The following ATRX variants were observed in gnomAD, a reference collection of about 807,000 sequenced individuals.
The protein encoded by ATRX is ATRX chromatin remodeler.
Under a neutral mutation model 172.6 loss-of-function variants are expected in ATRX, and 12 were observed. That is an observed-to-expected ratio of 0.07 (90% CI 0.04 to 0.11). ATRX has a LOEUF of 0.11. Among genes scored for constraint, ATRX ranks in the 10% least tolerant of loss-of-function variants. ATRX has a pLI of 1.00. For synonymous variants in ATRX, 674 were observed against 594.7 expected (o/e 1.13, Z -1.94); for missense variants, 1,368 against 1,767.4 (o/e 0.77, Z 4.05).
intron 20 of ATRX, 55 bp downstream of exon 20, chrX:77,620,340 A>G: frequency 8.6e-7 from 1 of 1,168,064 alleles, no homozygotes; most frequent in Admixed American, 2.2e-5. Context: ...ACGTTACAAA[A>G]ATATATCTGA....
At chrX:77,518,844 A>T (rs2063137099) in intron 34 of ATRX, among the ~76,000 whole-genome samples, 1 of 111,797 alleles carries the variant, frequency 8.9e-6, no homozygotes, top group Non-Finnish European at 1.9e-5. Context: ...CCCAGAAACA[A>T]ATCCACACAC....
intron 30 of ATRX, among the ~76,000 whole-genome samples, chrX:77,534,218 T>C (rs1288508301): frequency 9.0e-6 from 1 of 111,713 alleles, no homozygotes; most frequent in Non-Finnish European, 1.9e-5. Context: ...CAGAGTGCTA[T>C]GTAAGACATG....
intron 27 of ATRX, among the ~76,000 whole-genome samples, chrX:77,586,251 C>A (rs1429724020): frequency 1.8e-5 from 2 of 111,579 alleles, no homozygotes; most frequent in African/African-American, 6.5e-5. Flanking sequence ...TCTCATGTAA[C>A]CCATGAATAC....
intron 10 of ATRX, among the ~76,000 whole-genome samples, chrX:77,669,249 T>C (rs1335174333): frequency 1.8e-5 from 2 of 111,621 alleles, no homozygotes; most frequent in Non-Finnish European, 3.8e-5. Flanking sequence ...GTGCCAGCAC[T>C]ATACCCTCTA....
At chrX:77,544,498 T>C (rs1478890796) in intron 30 of ATRX, among the ~76,000 whole-genome samples, 1 of 109,984 alleles carries the variant, frequency 9.1e-6, no homozygotes, top group Non-Finnish European at 1.9e-5. Context: ...ACGTGTGCCA[T>C]GCTGGTGCGC....
At chrX:77,553,543 T>C (rs1329905230) in intron 30 of ATRX, among the ~76,000 whole-genome samples, 1 of 112,021 alleles carries the variant, frequency 8.9e-6, no homozygotes, top group East Asian at 2.8e-4. Flanking sequence ...TTCCAGTCTT[T>C]ACTTTTACCT....
rs782593283 is a variant in ATRX, at chrX:77,683,842, C to T, written c.1414G>A (p.Glu472Lys). 8.3e-7 allele frequency: 1 copy of T among 1,210,106 alleles called. No homozygotes were observed. The highest frequency in any genetic ancestry group is 1.8e-5 in the South Asian group (1 of 56,961). Reference sequence around the variant, plus strand: ...GTTGGAACATTCTGATGCATGTGCTCACTATCTACCTGTTTTCTTGAAAGT... The same window carrying T: ...GTTGGAACATTCTGATGCATGTGCTTACTATCTACCTGTTTTCTTGAAAGT... ...AKLSRKQVDS[E>K]HMHQNVPTEE... Residue 472 changes from glutamate to lysine, a missense_variant, in exon 9 of 35, where the codon GAG (glutamate) becomes AAG (lysine). Around this residue, in one of 17 missense-constraint regions of ATRX, gnomAD observed 843 missense variants for 643.1 expected, o/e 1.31. Coordinates refer to ENST00000373344, the MANE Select transcript of ATRX (RefSeq NM_000489.6).
At chrX:77,678,652 A>G (rs1334361640) in intron 9 of ATRX, among the ~76,000 whole-genome samples, 1 of 110,748 alleles carries the variant, frequency 9.0e-6, no homozygotes, top group Admixed American at 9.6e-5. Flanking sequence ...ACACCTGGCT[A>G]ATTTTTTTGT....
chrX:77,702,990 G>C lies in ATRX; in HGVS notation c.134-4361C>G, dbSNP rs782712173. Among the ~76,000 whole-genome samples, 330 of 112,401 alleles carry C rather than the reference G, an allele frequency of 2.9e-3. 1 individual carries two copies. The highest frequency in any genetic ancestry group is 0.014 in the Middle Eastern group (3 of 218). On this transcript the variant is annotated intron_variant, in intron 2 of 34. Transcript: ENST00000373344. Reference sequence around the variant, plus strand: ...AATCCTCCCACCTCAGCCTCCCAAAGTGCTGGAATTACAGGCATAAGTCAC... The same window carrying C: ...AATCCTCCCACCTCAGCCTCCCAAACTGCTGGAATTACAGGCATAAGTCAC...
intron 15 of ATRX, among the ~76,000 whole-genome samples, chrX:77,649,077 T>C (rs1916596718): frequency 9.1e-6 from 1 of 110,340 alleles, no homozygotes; most frequent in South Asian, 3.9e-4. Flanking sequence ...GGCAAGAGGA[T>C]TGCTTGAGCC....
chrX:77,566,876 C>G (rs1290868220), intron 28 of ATRX, among the ~76,000 whole-genome samples: 1 of 112,170 alleles, frequency 8.9e-6, no homozygotes, highest in African/African-American at 3.2e-5. Flanking sequence ...CAATTTCATT[C>G]TGTTGTGTTT....
intron 12 of ATRX, among the ~76,000 whole-genome samples, chrX:77,657,951 G>A (rs1472705724): frequency 1.8e-5 from 2 of 112,204 alleles, no homozygotes; most frequent in Admixed American, 9.4e-5. Flanking sequence ...GCTCACCCCT[G>A]TAATCCCAGC....
rs1442514047 is a variant in ATRX, at chrX:77,552,625, T to C, written c.6699+4826A>G. On this transcript the variant is annotated intron_variant, in intron 30 of 34. Coordinates refer to ENST00000373344, the MANE Select transcript of ATRX (RefSeq NM_000489.6). ...TTAAAGTATAATAATAATAAAAAAGTGCCAAGCATTGCATTATTCACTAAG... is the reference window on the plus strand; with the variant it reads ...TTAAAGTATAATAATAATAAAAAAGCGCCAAGCATTGCATTATTCACTAAG... Among the ~76,000 whole-genome samples the C allele has an allele frequency of 5.4e-5, 6 of 110,923 alleles. No homozygotes were observed. The Admixed American group carries it at 5.8e-4, about 11-fold the overall frequency.
chrX:77,637,787 C>T (rs1329167656), intron 15 of ATRX, among the ~76,000 whole-genome samples: 4 of 107,663 alleles, frequency 3.7e-5, no homozygotes, highest in African/African-American at 1.4e-4. Flanking sequence ...ACAAAATATA[C>T]AAAAATTAGC....
chrX:77,547,098 T>A (rs2147885861), intron 30 of ATRX, among the ~76,000 whole-genome samples: 1 of 111,925 alleles, frequency 8.9e-6, no homozygotes, highest in Non-Finnish European at 1.9e-5. Context: ...AAGCTTACCA[T>A]TTAATTCATT....
At chrX:77,775,004 G>A (rs782435604) in intron 1 of ATRX, among the ~76,000 whole-genome samples, 2 of 111,435 alleles carry the variant, frequency 1.8e-5, no homozygotes, top group South Asian at 7.4e-4. Context: ...AAAGTGCTGG[G>A]ATAACAGGTG....
intron 5 of ATRX, among the ~76,000 whole-genome samples, chrX:77,694,946 T>C (rs781931783): frequency 9.5e-6 from 1 of 105,147 alleles, no homozygotes; most frequent in Non-Finnish European, 2.0e-5. Context: ...CAGATTGTAG[T>C]AAAATTAAAT....
chrX:77,620,580 G>A, intron 19 of ATRX, 48 bp from the exon 20 acceptor site: 2 of 1,068,363 alleles, frequency 1.9e-6, no homozygotes, highest in African/African-American at 1.9e-5. Flanking sequence ...TAATAAAACT[G>A]AAAATGTGAT....
intron 19 of ATRX, among the ~76,000 whole-genome samples, chrX:77,632,837 T>C (rs1319035454): frequency 8.9e-6 from 1 of 111,740 alleles, no homozygotes; most frequent in Non-Finnish European, 1.9e-5. Context: ...ATTCTTCTAA[T>C]GACATGAAGT....
Sources: allele counts gnomAD v4.1 joint callset (sites outside exome capture counted in the v4.1 genomes callset), GRCh38; gene constraint gnomAD v4.1.1; regional missense constraint gnomAD v4.1.1; transcripts MANE v1.5; gene names NCBI Gene and HGNC (gene_info 2026-07-23, HGNC 2026-07-21).